MELK: variants seen among roughly 807,000 people sequenced by gnomAD.
MELK encodes the protein pEg3 kinase.
Under a neutral mutation model 85.0 loss-of-function variants are expected in MELK, and 81 were observed. That is an observed-to-expected ratio of 0.95 (90% confidence interval 0.80 to 1.15). The LOEUF (loss-of-function observed/expected upper bound fraction) is 1.15, where lower values mean the gene tolerates loss of function less well. MELK is among the 50% of genes most tolerant of loss of function. MELK has a pLI of 0.00. For missense variants in MELK, 754 were observed against 777.5 expected (o/e 0.97, Z 0.36); for synonymous variants, 252 against 265.0 (o/e 0.95, Z 0.48).
At chr9:36,589,242 G>A (rs1201986784) in intron 3 of MELK, among the ~76,000 whole-genome samples, 2 of 151,750 alleles carry the variant, frequency 1.3e-5, no homozygotes, top group Non-Finnish European at 1.5e-5. Flanking sequence ...TCCGCCTCCC[G>A]GATTCACGCC....
chr9:36,655,387 A>G (rs1831136992), intron 12 of MELK, among the ~76,000 whole-genome samples: 1 of 151,880 alleles, frequency 6.6e-6, no homozygotes, highest in African/African-American at 2.4e-5. Context: ...GGGGCACCTA[A>G]TTTTGCTTGA....
chr9:36,675,553 C>A (rs1833272002), intron 17 of MELK, among the ~76,000 whole-genome samples: 1 of 152,138 alleles, frequency 6.6e-6, no homozygotes, highest in Admixed American at 6.5e-5. Flanking sequence ...AAATTATAAT[C>A]TAAATTTGTG....
chr9:36,585,362 A>G (rs985705638), intron 3 of MELK, among the ~76,000 whole-genome samples: 1 of 130,436 alleles, frequency 7.7e-6, no homozygotes, highest in Non-Finnish European at 1.5e-5. Flanking sequence ...GCTGGAATGC[A>G]GTGGTGCGAT....
At chr9:36,668,146 G>T (rs866794317) in intron 14 of MELK, among the ~76,000 whole-genome samples, 1 of 152,128 alleles carries the variant, frequency 6.6e-6, no homozygotes, top group Non-Finnish European at 1.5e-5. Context: ...CACAATGCAG[G>T]CATTGGCAGT....
At chr9:36,637,302 C>A (rs1564191783) in intron 10 of MELK, among the ~76,000 whole-genome samples, 1 of 152,144 alleles carries the variant, frequency 6.6e-6, no homozygotes, top group Non-Finnish European at 1.5e-5. Context: ...TTCTTATTCC[C>A]TATTTATAGA....
In MELK at chr9:36,600,080, T is replaced by A. The variant is rs117873208; in HGVS notation, c.567+594T>A. Among the ~76,000 whole-genome samples the A allele has an allele frequency of 6.0e-5, 9 of 149,432 alleles. No individual in the cohort carries two copies. In the East Asian group the frequency reaches 1.7e-3, roughly 29 times the overall value. ...TTTCCTATTTCAGGACATGTCCAAATCTTTTTTTGTTTTGTTTTGTTTTTT... is the reference window on the plus strand; with the variant it reads ...TTTCCTATTTCAGGACATGTCCAAAACTTTTTTTGTTTTGTTTTGTTTTTT... On this transcript the variant is annotated intron_variant, in intron 7 of 17. Coordinates refer to ENST00000298048, the MANE Select transcript of MELK (RefSeq NM_014791.4).
At chr9:36,649,924 A>G (rs1256716863) in intron 11 of MELK, among the ~76,000 whole-genome samples, 1 of 151,246 alleles carries the variant, frequency 6.6e-6, no homozygotes, top group South Asian at 2.1e-4. Context: ...ATCTCTATTT[A>G]ATTTAATTTA....
Position 36,581,764 on chromosome 9 carries a change from C to G in MELK, c.58+25C>G, listed in dbSNP as rs763855638. 1.5e-5 allele frequency: 23 copies of G among 1,542,870 alleles called. No homozygotes were observed. The African/African-American group carries it at 3.2e-4, about 21-fold the overall frequency. The stretch of plus-strand genomic sequence containing the variant: ...GGTAATTGTTATTTTTTTTTGGAGG[C>G]AGTGGATAGATCAACTATTTGAGAG... On this transcript the variant is annotated intron_variant, in intron 2 of 17. Coordinates refer to ENST00000298048, the MANE Select transcript of MELK (RefSeq NM_014791.4).
chr9:36,583,390 A>C (rs758274429), intron 2 of MELK, among the ~76,000 whole-genome samples: 2 of 151,944 alleles, frequency 1.3e-5, no homozygotes, highest in Non-Finnish European at 2.9e-5. Flanking sequence ...TTATTCATAA[A>C]GCAGATTTCT....
At chr9:36,676,408 G>A (rs1189547688) in intron 17 of MELK, among the ~76,000 whole-genome samples, 1 of 152,176 alleles carries the variant, frequency 6.6e-6, no homozygotes, top group African/African-American at 2.4e-5. Flanking sequence ...AAAATAGAAT[G>A]TAAACTAATT....
chr9:36,643,856 C>G (rs1236389614), intron 11 of MELK, among the ~76,000 whole-genome samples: 5 of 151,300 alleles, frequency 3.3e-5, no homozygotes, highest in African/African-American at 1.2e-4. Flanking sequence ...ATGGTGTGAA[C>G]CTGGGAGGCG....
At chr9:36,656,402 G>A (rs779065525) in intron 12 of MELK, among the ~76,000 whole-genome samples, 2 of 152,064 alleles carry the variant, frequency 1.3e-5, no homozygotes, top group Non-Finnish European at 2.9e-5. Context: ...TTTGAGAGTC[G>A]GAGGTTTTCC....
At chr9:36,589,026 C>G (rs941876451) in intron 3 of MELK, among the ~76,000 whole-genome samples, 1 of 152,126 alleles carries the variant, frequency 6.6e-6, no homozygotes, top group Non-Finnish European at 1.5e-5. Flanking sequence ...TACTGTTGAC[C>G]CACATTGAAC....
chr9:36,666,575 T>G (rs1347245277), intron 14 of MELK, among the ~76,000 whole-genome samples: 1 of 152,212 alleles, frequency 6.6e-6, no homozygotes, highest in African/African-American at 2.4e-5. Flanking sequence ...AATTGTGACC[T>G]TCTCAAGTTT....
chr9:36,590,092 T>G (rs920974615), intron 4 of MELK, among the ~76,000 whole-genome samples: 1 of 152,006 alleles, frequency 6.6e-6, no homozygotes, highest in African/African-American at 2.4e-5. Flanking sequence ...CGGCTAATTT[T>G]TTATATTTTT....
intron 7 of MELK, among the ~76,000 whole-genome samples, chr9:36,605,738 T>A (rs1467873299): frequency 4.0e-5 from 6 of 151,706 alleles, no homozygotes; most frequent in Non-Finnish European, 7.4e-5. Flanking sequence ...ATTTGGCTTA[T>A]CTAGTATAAG....
chr9:36,630,421 T>G, intron 9 of MELK, 54 bp downstream of exon 9: 1 of 1,396,394 alleles, frequency 7.2e-7, no homozygotes, highest in Non-Finnish European at 1.0e-6. Flanking sequence ...GGTTCAACTT[T>G]TAAGATATCT....
At chr9:36,659,782 C>T (rs1024540194) in intron 13 of MELK, among the ~76,000 whole-genome samples, 3 of 152,038 alleles carry the variant, frequency 2.0e-5, no homozygotes. Context: ...TTAGATCCTT[C>T]TAAAGTGTTT....
intron 14 of MELK, among the ~76,000 whole-genome samples, chr9:36,667,490 A>T (rs1470760647): frequency 6.6e-6 from 1 of 152,230 alleles, no homozygotes. Context: ...TTTTAATGCC[A>T]TAATCCCTTC....
Sources: gnomAD v4.1 joint callset for allele counts (sites outside exome capture counted in the v4.1 genomes callset) on GRCh38, gnomAD v4.1.1 for gene constraint, MANE v1.5 for transcripts, NCBI Gene and HGNC (gene_info 2026-07-23, HGNC 2026-07-21) for gene names.